Variants in OLFM3 observed in about 807,000 individuals in gnomAD.
The protein encoded by OLFM3 is olfactomedin 3.
Under a neutral mutation model 48.6 loss-of-function variants are expected in OLFM3, and 20 were observed. The observed-to-expected ratio is 0.41, with a 90% CI of 0.29 to 0.60. The LOEUF (loss-of-function observed/expected upper bound fraction) is 0.60. OLFM3 is among the 20% of genes least tolerant of loss of function. The probability of loss-of-function intolerance (pLI) is 0.28; values close to 1 mark genes in which losing one functional copy is unlikely to be tolerated. For missense variants in OLFM3, 437 were observed against 544.3 expected (o/e 0.80, Z 1.96); for synonymous variants, 222 against 198.1 (o/e 1.12, Z -1.01).
intron 1 of OLFM3, among the ~76,000 whole-genome samples, chr1:101,948,977 A>C (rs952286722): frequency 6.6e-6 from 1 of 151,098 alleles, no homozygotes; most frequent in Admixed American, 6.6e-5. Flanking sequence ...ACTATGCAGG[A>C]AGTTAGGATT....
intron 1 of OLFM3, among the ~76,000 whole-genome samples, chr1:101,917,417 C>CATAT (rs149319464): frequency 6.6e-5 from 10 of 150,930 alleles, no homozygotes; most frequent in East Asian, 5.9e-4. Context: ...AATATATGGC[C>CATAT]ATATATATAT....
intron 1 of OLFM3, among the ~76,000 whole-genome samples, chr1:101,925,518 TTTAA>T (rs1253763836): frequency 6.6e-6 from 1 of 151,912 alleles, no homozygotes; most frequent in African/African-American, 2.4e-5. Flanking sequence ...TAATTTTTTA[TTTAA>T]TTAATTTATT....
chr1:101,830,105 T>C (rs902926513), intron 3 of OLFM3, among the ~76,000 whole-genome samples: 5 of 152,158 alleles, frequency 3.3e-5, no homozygotes, highest in African/African-American at 1.2e-4. Context: ...CCCAAAGTGC[T>C]AGGATTACAG....
chr1:101,887,126 C>T (rs1275136369), intron 1 of OLFM3, among the ~76,000 whole-genome samples: 1 of 150,986 alleles, frequency 6.6e-6, no homozygotes, highest in Non-Finnish European at 1.5e-5. Context: ...AATATAGATA[C>T]AGGTGAAATA....
At chr1:101,873,019 A>C (rs575115120) in intron 1 of OLFM3, among the ~76,000 whole-genome samples, 27 of 152,146 alleles carry the variant, frequency 1.8e-4, no homozygotes, top group Admixed American at 1.6e-3. Flanking sequence ...GTGAATACTT[A>C]AAATTTTGAG....
rs2100856885 is a variant in OLFM3, at chr1:101,804,631, G to A, written c.984C>T (p.Asp328=). The change falls in exon 6 of 6, where the codon GAC becomes GAT. Residue 328 remains aspartate, a synonymous_variant. Coordinates refer to ENST00000370103, the MANE Select transcript of OLFM3 (RefSeq NM_058170.4). This position sits in a 1 kb window ranked among gnomAD's most constrained non-coding sequence, Gnocchi z 4.5. The part of the protein sequence containing the change: ...PYTWGGFSDI[D]LMADEIGLWA... ...ACAGCCCGATTTCATCAGCCATTAG[G>A]TCGATGTCAGAGAATCCACCCCATG... 4 of 1,612,546 alleles carry A rather than the reference G, an allele frequency of 2.5e-6. No individual in the cohort carries two copies. The highest frequency in any genetic ancestry group is 2.5e-6 in the Non-Finnish European group (3 of 1,179,188).
In OLFM3 at chr1:101,909,633, G is replaced by A. The variant is rs181534313; in HGVS notation, c.70-72608C>T. ...ATGGTCATTCTGCATATAAGTGTGA[G>A]CATCTAATTACTTAATTATATCTTT... On this transcript the variant is annotated intron_variant, in intron 1 of 5. Coordinates refer to ENST00000370103, the MANE Select transcript of OLFM3 (RefSeq NM_058170.4). 2.0e-5 allele frequency among the ~76,000 whole-genome samples: 3 copies of A among 152,236 alleles called. 1 individual carries two copies. The highest frequency in any genetic ancestry group is 2.0e-4 in the Admixed American group (3 of 15,296).
intron 1 of OLFM3, among the ~76,000 whole-genome samples, chr1:101,986,199 C>A (rs1406449997): frequency 1.3e-5 from 2 of 151,948 alleles, no homozygotes; most frequent in South Asian, 4.2e-4. Context: ...TCCCTGACCT[C>A]GTGATCCGCC....
rs1655041552 is a variant in OLFM3, at chr1:101,829,490, A to C, written c.372+1182T>G. Among the ~76,000 whole-genome samples the C allele has an allele frequency of 2.0e-5, 3 of 152,190 alleles. No individual in the cohort carries two copies. The East Asian group carries it at 5.8e-4, about 29-fold the overall frequency. On this transcript the variant is annotated intron_variant, in intron 3 of 5. Transcript: ENST00000370103. ...CCAATTCAGGGTGTAATGTTCTTCT[A>C]TACCTCTCTACTCAGTCTCTGGAGT...
intron 1 of OLFM3, among the ~76,000 whole-genome samples, chr1:101,988,024 G>A (rs1335902977): frequency 6.6e-6 from 1 of 151,794 alleles, no homozygotes; most frequent in African/African-American, 2.4e-5. Flanking sequence ...CTATGTTCTT[G>A]GAATAATGTA....
intron 1 of OLFM3, among the ~76,000 whole-genome samples, chr1:101,951,906 A>G (rs1487884405): frequency 6.6e-6 from 1 of 152,190 alleles, no homozygotes; most frequent in Non-Finnish European, 1.5e-5. Context: ...TTTATAAAGA[A>G]GGTGGATTGT....
At chr1:101,828,881 T>C (rs973567140) in intron 3 of OLFM3, among the ~76,000 whole-genome samples, 23 of 152,186 alleles carry the variant, frequency 1.5e-4, no homozygotes, top group Admixed American at 5.2e-4. Context: ...CCATCTACAC[T>C]CTAACCCTGA....
In OLFM3 at chr1:101,944,269, A is replaced by G. The variant is rs532984334; in HGVS notation, c.69+52479T>C. 2.6e-5 allele frequency among the ~76,000 whole-genome samples: 4 copies of G among 152,280 alleles called. No homozygotes were observed. In the East Asian group the frequency reaches 7.7e-4, roughly 29 times the overall value. ...CTTTACATTAAGGTCAAGTTACCAC[A>G]GACCAGAACATACACTAAAATTTAC... On this transcript the variant is annotated intron_variant, in intron 1 of 5. Coordinates refer to ENST00000370103, the MANE Select transcript of OLFM3 (RefSeq NM_058170.4).
chr1:101,986,983 T>A (rs1203240404), intron 1 of OLFM3, among the ~76,000 whole-genome samples: 1 of 152,220 alleles, frequency 6.6e-6, no homozygotes, highest in Non-Finnish European at 1.5e-5. Flanking sequence ...CAAATAGCTT[T>A]CCTCACTGTT....
intron 1 of OLFM3, among the ~76,000 whole-genome samples, chr1:101,989,061 T>C (rs960276975): frequency 3.9e-5 from 6 of 152,124 alleles, no homozygotes; most frequent in Non-Finnish European, 7.4e-5. Context: ...TTATCCACTC[T>C]TGGGGTGCAA....
intron 1 of OLFM3, among the ~76,000 whole-genome samples, chr1:101,941,827 G>T (rs911747334): frequency 5.3e-5 from 8 of 152,260 alleles, no homozygotes; most frequent in Admixed American, 3.9e-4. Flanking sequence ...AGGCAGCTGT[G>T]TAGTAACTCC....
intron 1 of OLFM3, among the ~76,000 whole-genome samples, chr1:101,956,103 T>TTTTTTTTTTTTTAA (rs781231551): frequency 1.5e-4 from 22 of 143,352 alleles, no homozygotes; most frequent in African/African-American, 5.0e-4. Context: ...TTTTTTTTTT[T>TTTTTTTTTTTTTAA]AAAAAAAACC....
At chr1:101,847,282 CTTTAG>C (rs936039463) in intron 1 of OLFM3, among the ~76,000 whole-genome samples, 3 of 151,984 alleles carry the variant, frequency 2.0e-5, no homozygotes, top group African/African-American at 7.3e-5. Flanking sequence ...CCCAGCTCCA[CTTTAG>C]TTAGTTACCA....
At chr1:101,900,130 GTTTA>G (rs1452519152) in intron 1 of OLFM3, among the ~76,000 whole-genome samples, 5 of 152,124 alleles carry the variant, frequency 3.3e-5, no homozygotes, top group Non-Finnish European at 7.4e-5. Flanking sequence ...GTACTCATGA[GTTTA>G]TTTATATGTT....
Sources: gnomAD v4.1 joint callset for allele counts (sites outside exome capture counted in the v4.1 genomes callset) on GRCh38, gnomAD v4.1.1 for gene constraint, Gnocchi (gnomAD v3.1) non-coding constraint, MANE v1.5 for transcripts, NCBI Gene and HGNC (gene_info 2026-07-23, HGNC 2026-07-21) for gene names.